The following ADAM32 variants were observed in gnomAD, a reference collection of about 807,000 sequenced individuals.
ADAM32 encodes the protein ADAM metallopeptidase domain 32, also known as disintegrin and metalloproteinase domain-containing protein 32.
In ADAM32, 89 loss-of-function variants were observed where a neutral mutation model predicts 114.9. That is an observed-to-expected ratio of 0.77 (90% CI 0.65 to 0.92). The LOEUF is 0.92. ADAM32 is among the 40% of genes least tolerant of loss of function. The pLI, the probability that ADAM32 is intolerant of heterozygous loss-of-function variation, is 0.00. For synonymous variants in ADAM32, 285 were observed against 307.5 expected, an observed-to-expected ratio of 0.93 and a Z score of 0.77; for missense variants, 870 against 932.8, an observed-to-expected ratio of 0.93 and a Z score of 0.88.
At chr8:39,197,416 G>T (rs1564578813) in intron 11 of ADAM32, among the ~76,000 whole-genome samples, 1 of 151,470 alleles carries the variant, frequency 6.6e-6, no homozygotes, top group Non-Finnish European at 1.5e-5. Flanking sequence ...ACATCATTAG[G>T]TTATTTGAAA....
In ADAM32 at chr8:39,186,953, C is replaced by T; in HGVS notation, c.960C>T (p.Thr320=). 6.2e-7 allele frequency: 1 copy of T among 1,612,756 alleles called. No individual in the cohort carries two copies. The highest frequency in any genetic ancestry group is 8.5e-7 in the Non-Finnish European group (1 of 1,179,160). The change falls in exon 11 of 25, where the codon ACC becomes ACT. Residue 320 remains threonine (T), a synonymous_variant. Transcript: ENST00000379907. ...TGGAGGCATTTGCAGTTATTGTCAC[C>T]CAGATGCTGGCACTCAGTCTGGGAA... ...ITLEAFAVIV[T]QMLALSLGIS... is the part of the protein sequence containing the mutation.
chr8:39,275,881 G>T lies in ADAM32; in HGVS notation c.2279+15G>T. On this transcript the variant is annotated intron_variant, in intron 22 of 24. Coordinates refer to ENST00000379907, the MANE Select transcript of ADAM32 (RefSeq NM_145004.7). Reference sequence around the variant, plus strand: ...GATACTAGCAAGTAAGTGAATTAGGGGGCATTTTTTTTATATAATAAGTAT... The same window carrying T: ...GATACTAGCAAGTAAGTGAATTAGGTGGCATTTTTTTTATATAATAAGTAT... 1 of 1,542,540 alleles carries T rather than the reference G, an allele frequency of 6.5e-7. No homozygotes were observed. The highest frequency in any genetic ancestry group is 1.2e-5 in the South Asian group (1 of 80,362).
intron 2 of ADAM32, among the ~76,000 whole-genome samples, chr8:39,125,245 T>C (rs1802042021): frequency 6.6e-6 from 1 of 152,186 alleles, no homozygotes; most frequent in South Asian, 2.1e-4. Context: ...CTCTGGATAT[T>C]TGTTGTTTGT....
In ADAM32 at chr8:39,281,114, A is replaced by G. The variant is rs997318632; in HGVS notation, c.2280-22A>G. 63 of 1,222,396 alleles carry G rather than the reference A, an allele frequency of 5.2e-5. 1 individual carries two copies. In the East Asian group the frequency reaches 2.0e-3, roughly 38 times the overall value. 75.7% of individuals were successfully genotyped at this position (1,222,396 alleles called of 1,614,324 possible). A position where few individuals can be genotyped will look rare whatever the true frequency, so the allele number is the denominator to read the frequency against. ...TTTTAATAATAGATATTTAATATAT[A>G]TTGTTTTTAATTTATTTTTAGATCC... On this transcript the variant is annotated intron_variant, in intron 22 of 24. Transcript: ENST00000379907.
intron 2 of ADAM32, among the ~76,000 whole-genome samples, chr8:39,118,904 A>C (rs546407543): frequency 2.0e-5 from 3 of 152,306 alleles, no homozygotes; most frequent in African/African-American, 7.2e-5. Flanking sequence ...TCCCTTATGC[A>C]CATTTGTAGT....
chr8:39,216,753 C>T (rs1808596075), intron 12 of ADAM32, among the ~76,000 whole-genome samples: 1 of 151,946 alleles, frequency 6.6e-6, no homozygotes, highest in Non-Finnish European at 1.5e-5. Flanking sequence ...TTACTTCCTC[C>T]CCCTGCTTTT....
intron 2 of ADAM32, among the ~76,000 whole-genome samples, chr8:39,121,848 G>GAGTTGCTGTCCAAGT (rs1840603687): frequency 6.6e-6 from 1 of 152,152 alleles, no homozygotes; most frequent in Non-Finnish European, 1.5e-5. Flanking sequence ...GGCCATGGGA[G>GAGTTGCTGTCCAAGT]AGTTGCTGTC....
At chr8:39,189,480 T>A (rs1489564760) in intron 11 of ADAM32, among the ~76,000 whole-genome samples, 3 of 152,136 alleles carry the variant, frequency 2.0e-5, no homozygotes, top group East Asian at 3.8e-4. Flanking sequence ...ATTGAAAAAA[T>A]TCTATTGATA....
chr8:39,124,473 A>G (rs971945320), intron 2 of ADAM32, among the ~76,000 whole-genome samples: 1 of 149,176 alleles, frequency 6.7e-6, no homozygotes, highest in African/African-American at 2.5e-5. Flanking sequence ...GCTGGAGTGC[A>G]GTGATGTGAT....
chr8:39,151,909 C>T (rs967394007), intron 6 of ADAM32, among the ~76,000 whole-genome samples: 4 of 151,940 alleles, frequency 2.6e-5, no homozygotes, highest in East Asian at 3.9e-4. Context: ...ATGATCCACC[C>T]GCCTCAATCT....
At chr8:39,234,223 C>T (rs762502319) in intron 16 of ADAM32, 141 bp downstream of exon 16, 1 of 646,842 alleles carries the variant, frequency 1.5e-6, no homozygotes. Flanking sequence ...TTAAATTAGT[C>T]TCCAAATAGT....
chr8:39,254,654 T>C (rs1811526780), intron 18 of ADAM32, 138 bp downstream of exon 18: 2 of 586,616 alleles, frequency 3.4e-6, no homozygotes, highest in Non-Finnish European at 5.6e-6. Flanking sequence ...TCTCAAGGAA[T>C]GGAAACCAAA....
intron 12 of ADAM32, among the ~76,000 whole-genome samples, chr8:39,219,853 A>G (rs1490052077): frequency 6.6e-6 from 1 of 152,162 alleles, no homozygotes; most frequent in Non-Finnish European, 1.5e-5. Flanking sequence ...GACTTGGTTT[A>G]TGGTTGAGCA....
rs1434010452 is a variant in ADAM32, at chr8:39,283,631, A to G, written c.2357+7A>G. ...CCCAAACACAAAGCAGTAGGTAAGT[A>G]TATTAGAAGGTGTTTCTTAAAATAA... On this transcript the variant is annotated splice_region_variant and intron_variant, in intron 24 of 24. Coordinates refer to ENST00000379907, the MANE Select transcript of ADAM32 (RefSeq NM_145004.7). The G allele has an allele frequency of 1.9e-6, 3 of 1,588,826 alleles. No individual in the cohort carries two copies. The highest frequency in any genetic ancestry group is 2.2e-5 in the East Asian group (1 of 44,568).
At chr8:39,224,763 C>T (rs991771411) in intron 14 of ADAM32, among the ~76,000 whole-genome samples, 11 of 152,030 alleles carry the variant, frequency 7.2e-5, no homozygotes, top group Admixed American at 5.9e-4. Flanking sequence ...TGCTGGTCTT[C>T]ATCCCCTCAC....
chr8:39,221,790 A>G, intron 13 of ADAM32, 88 bp downstream of exon 13: 1 of 706,134 alleles, frequency 1.4e-6, no homozygotes. Context: ...CTGTAATTAC[A>G]TCAATTAAAT....
intron 19 of ADAM32, among the ~76,000 whole-genome samples, chr8:39,268,858 A>G (rs1812532587): frequency 6.6e-6 from 1 of 152,246 alleles, no homozygotes; most frequent in South Asian, 2.1e-4. Flanking sequence ...GGATCAGAAT[A>G]GTCACCCATA....
intron 7 of ADAM32, among the ~76,000 whole-genome samples, chr8:39,163,903 TAG>T (rs549521589): frequency 4.8e-4 from 73 of 152,354 alleles, no homozygotes; most frequent in Non-Finnish European, 9.4e-4. Context: ...TGATGTACTA[TAG>T]AGAGTTTGTC....
intron 8 of ADAM32, 25 bp from the exon 9 acceptor site, chr8:39,165,005 A>G (rs553457255): frequency 1.9e-6 from 3 of 1,555,108 alleles, no homozygotes; most frequent in Admixed American, 2.0e-5. Flanking sequence ...TTAATTATGC[A>G]TGTATTTATC....
Sources: gnomAD v4.1 joint callset for allele counts (sites outside exome capture counted in the v4.1 genomes callset) on GRCh38, gnomAD v4.1.1 for gene constraint, MANE v1.5 for transcripts, NCBI Gene and HGNC (gene_info 2026-07-23, HGNC 2026-07-21) for gene names.